The following SLC30A2 variants were observed in gnomAD, a reference collection of about 807,000 sequenced individuals.
SLC30A2 encodes the protein proton-coupled zinc antiporter SLC30A2.
A neutral mutation model predicts 39.6 loss-of-function variants in SLC30A2; 19 were observed. The ratio of observed to expected loss-of-function variants is 0.48; its 90% CI spans 0.34 to 0.70. The LOEUF (loss-of-function observed/expected upper bound fraction) is 0.70. SLC30A2 is among the 30% of genes least tolerant of loss of function. SLC30A2 has a pLI of 0.01. For missense variants in SLC30A2, 387 were observed against 479.4 expected (o/e 0.81, Z 1.80); for synonymous variants, 195 against 194.8 (o/e 1.00, Z -0.01).
intron 5 of SLC30A2, 143 bp downstream of exon 5, chr1:26,042,404 ATT>A (rs2050407622): frequency 1.4e-6 from 1 of 719,406 alleles, no homozygotes; most frequent in African/African-American, 1.8e-5. Context: ...CTTGGTAGGT[ATT>A]GGATAAATGT....
rs1226423120 is a variant in SLC30A2, at chr1:26,039,447, T to C, written c.974-142A>G. The C allele has an allele frequency of 1.4e-6, 1 of 698,562 alleles. No homozygotes were observed. The highest frequency in any genetic ancestry group is 2.7e-5 in the East Asian group (1 of 37,070). The allele number at this position is 698,562 out of a possible 1,614,324, so 43.3% of individuals were successfully genotyped here. A position where few individuals can be genotyped will look rare whatever the true frequency, so the allele number is the denominator to read the frequency against. On this transcript the variant is annotated intron_variant, in intron 7 of 7. Coordinates refer to ENST00000374276, the MANE Select transcript of SLC30A2 (RefSeq NM_001004434.3). This position sits in a 1 kb window ranked among gnomAD's most constrained non-coding sequence, Gnocchi z 4.3. ...GAGAAGCCCCCAGATTCCATTCCTC[T>C]GCCAGGTAGCCTCCCAGCCCAGACC... is the stretch of plus-strand genomic sequence containing the variant.
Position 26,043,485 on chromosome 1 carries a change from GC to G in SLC30A2, c.484del (p.Ala162LeufsTer5). The G allele has an allele frequency of 6.2e-7, 1 of 1,614,026 alleles. No homozygotes were observed. Among genetic ancestry groups the G allele is most frequent in the Non-Finnish European group, 8.5e-7 (1 of 1,179,926 alleles). On this transcript the variant is annotated frameshift_variant, in exon 4 of 8. Transcript: ENST00000374276. LOFTEE classifies it high-confidence loss of function. ...WVVTGVLVYL[A>X]VERLISGDYE... ...GTCCCCAGAGATCAGCCGCTCCACA[GC>G]CAGGTACACCAGTACCCCCGTCACG...
chr1:26,042,541 G>T lies in SLC30A2; in HGVS notation c.732+8C>A. ...GCCACCCCCACCACCCTGTGTCCCA[G>T]CTCTGACCTTGAAGTATAAAATATA... On this transcript the variant is annotated splice_region_variant and intron_variant, in intron 5 of 7. Transcript: ENST00000374276. The T allele has an allele frequency of 6.2e-7, 1 of 1,611,926 alleles. No individual in the cohort carries two copies. Among genetic ancestry groups the T allele is most frequent in the Non-Finnish European group, 8.5e-7 (1 of 1,178,224 alleles).
chr1:26,045,789 TGCGGAG>T (rs1428806901), intron 1 of SLC30A2, 52 bp downstream of exon 1: 1 of 1,612,796 alleles, frequency 6.2e-7, no homozygotes, highest in Non-Finnish European at 8.5e-7. Flanking sequence ...GGATGGCAAA[TGCGGAG>T]GTGCGTCGGC....
rs201453464 is a variant in SLC30A2 at position 26,045,388 on chromosome 1, G to T, written c.51-171C>A. The T allele has an allele frequency of 4.8e-6, 3 of 630,064 alleles. No homozygotes were observed. In the East Asian group the frequency reaches 8.2e-5, roughly 17 times the overall value. The allele number at this position is 630,064 out of a possible 1,614,324, so 39.0% of individuals were successfully genotyped here. A position where few individuals can be genotyped will look rare whatever the true frequency, so the allele number is the denominator to read the frequency against. ...CTGTATTCAGACGGGGATGATAGGG[G>T]AATGGGAGTCCTGGGGCCCGGGGCC... On this transcript the variant is annotated intron_variant, in intron 1 of 7. Coordinates refer to ENST00000374276, the MANE Select transcript of SLC30A2 (RefSeq NM_001004434.3).
At position 26,038,817 on chromosome 1, in the gene SLC30A2, G is replaced by A. The variant is rs1039587950; in HGVS notation, c.*343C>T. The A allele has an allele frequency of 1.2e-5, 3 of 244,128 alleles. No homozygotes were observed. Among genetic ancestry groups the A allele is most frequent in the East Asian group, 1.2e-4 (1 of 8,616 alleles). The allele number at this position is 244,128 out of a possible 1,614,324, so 15.1% of individuals were successfully genotyped here. A position where few individuals can be genotyped will look rare whatever the true frequency, so the allele number is the denominator to read the frequency against. ...GGCATGAGGCAGGCAGTATGGGCGC[G>A]CTGGGGCCAGCCTCCCCTTGGACGT... On this transcript the variant is annotated 3_prime_UTR_variant, in exon 8 of 8. Transcript: ENST00000374276.
At position 26,042,410 on chromosome 1, in the gene SLC30A2, T is replaced by A. The variant is rs1027669269; in HGVS notation, c.732+139A>T. 4 of 762,646 alleles carry A rather than the reference T, an allele frequency of 5.2e-6. No homozygotes were observed. The African/African-American group carries it at 6.9e-5, about 13-fold the overall frequency. The allele number at this position is 762,646 out of a possible 1,614,324, so 47.2% of individuals were successfully genotyped here. The stretch of plus-strand genomic sequence containing the variant: ...GTGCTGACACTTGGTAGGTATTGGA[T>A]AAATGTTCCTTTCCTCTCCCCACCC... On this transcript the variant is annotated intron_variant, in intron 5 of 7. Transcript: ENST00000374276.
In SLC30A2 at chr1:26,039,998, G is replaced by C; in HGVS notation, c.839-87C>G. 6.7e-7 allele frequency: 1 copy of C among 1,490,974 alleles called. No individual in the cohort carries two copies. The highest frequency in any genetic ancestry group is 9.2e-7 in the Non-Finnish European group (1 of 1,081,516). The allele number at this position is 1,490,974 out of a possible 1,614,324, so 92.4% of individuals were successfully genotyped here. A position where few individuals can be genotyped will look rare whatever the true frequency, so the allele number is the denominator to read the frequency against. On this transcript the variant is annotated intron_variant, in intron 6 of 7. Transcript: ENST00000374276. This position sits in a 1 kb window ranked among gnomAD's most constrained non-coding sequence, Gnocchi z 4.3. Reference sequence around the variant, plus strand: ...TGCAGGGCTGGCTCCTGATCCTCAGGTGTCATCCCCTCAAAGAAGACCTCT... The same window carrying C: ...TGCAGGGCTGGCTCCTGATCCTCAGCTGTCATCCCCTCAAAGAAGACCTCT...
chr1:26,044,953 C>T (rs1227518932), intron 2 of SLC30A2, 44 bp downstream of exon 2: 8 of 1,508,088 alleles, frequency 5.3e-6, no homozygotes, highest in Non-Finnish European at 6.5e-6. Flanking sequence ...AACATCCAGT[C>T]TATCCATGCA....
chr1:26,041,720 A>T lies in SLC30A2; in HGVS notation c.818T>A (p.Val273Glu), dbSNP rs570344520. 1 of 1,612,328 alleles carries T rather than the reference A, an allele frequency of 6.2e-7. No individual in the cohort carries two copies. Among genetic ancestry groups the T allele is most frequent in the East Asian group, 2.2e-5 (1 of 44,882 alleles). Residue 273 changes from valine to glutamate, a missense_variant, in exon 6 of 8, where the codon GTG (valine) becomes GAG (glutamate). Val to Glu is a moderately radical substitution (Grantham distance 121). Transcript: ENST00000374276. ...GTTACCTTCCATCAACACCAGGATC[A>T]CATCTCTCAGGATGGTCAAGGTTGT... is the stretch of plus-strand genomic sequence containing the variant. ...LGTTLTILRD[V>E]ILVLMEGTPK...
rs11587475 is a variant in SLC30A2 at position 26,037,880 on chromosome 1, T to C, written c.*1280A>G. On this transcript the variant is annotated 3_prime_UTR_variant, in exon 8 of 8. Coordinates refer to ENST00000374276, the MANE Select transcript of SLC30A2 (RefSeq NM_001004434.3). ...TGACCAAACCCACCTCCTCCCACCT[T>C]GGGCCAGAACAGTCAAGACAAACTC... 89,176 of 152,100 alleles carry C rather than the reference T, an allele frequency of 0.59. 29,173 individuals carry two copies. Among genetic ancestry groups the C allele is most frequent in the East Asian group, 0.74 (3,836 of 5,162 alleles). The allele number at this position is 152,100 out of a possible 1,614,324, so 9.4% of individuals were successfully genotyped here. A position where few individuals can be genotyped will look rare whatever the true frequency, so the allele number is the denominator to read the frequency against.
Position 26,043,488 on chromosome 1 carries a change from AG to A in SLC30A2, c.481del (p.Leu161TrpfsTer6). 1 of 1,614,146 alleles carries A rather than the reference AG, an allele frequency of 6.2e-7. No individual in the cohort carries two copies. The highest frequency in any genetic ancestry group is 2.2e-5 in the East Asian group (1 of 44,880). ...IWVVTGVLVYLAVERLISGDY... is the reference protein window; with the variant it reads ...IWVVTGVLVYXAVERLISGDY... The stretch of plus-strand genomic sequence containing the variant: ...CCCAGAGATCAGCCGCTCCACAGCC[AG>A]GTACACCAGTACCCCCGTCACGACC... On this transcript the variant is annotated frameshift_variant, in exon 4 of 8. Coordinates refer to ENST00000374276, the MANE Select transcript of SLC30A2 (RefSeq NM_001004434.3). LOFTEE classifies it high-confidence loss of function.
intron 1 of SLC30A2, among the ~76,000 whole-genome samples, 162 bp downstream of exon 1, chr1:26,045,685 C>T (rs1208613073): frequency 2.6e-5 from 4 of 152,168 alleles, no homozygotes; most frequent in East Asian, 1.9e-4. Flanking sequence ...AGAGACGGTC[C>T]TTGGGCCACA....
intron 4 of SLC30A2, 149 bp from the exon 5 acceptor site, chr1:26,042,857 G>A: frequency 1.5e-6 from 1 of 659,374 alleles, no homozygotes; most frequent in Non-Finnish European, 2.6e-6. Context: ...ACGTGGCCTT[G>A]GTTCAGACAG....
In SLC30A2 at chr1:26,046,106, C is replaced by A. The variant is rs1464428499; in HGVS notation, c.-210G>T. 1.5e-5 allele frequency: 19 copies of A among 1,298,800 alleles called. No homozygotes were observed. The highest frequency in any genetic ancestry group is 4.3e-5 in the Admixed American group (1 of 23,296). The allele number at this position is 1,298,800 out of a possible 1,614,324, so 80.5% of individuals were successfully genotyped here. ...TCTGGCTCCGCGTGCCAAGCGCTCC[C>A]GTGTCTCGGGTCAGCCGCTGCGCCC... is the stretch of plus-strand genomic sequence containing the variant. On this transcript the variant is annotated 5_prime_UTR_variant, in exon 1 of 8. Coordinates refer to ENST00000374276, the MANE Select transcript of SLC30A2 (RefSeq NM_001004434.3). The surrounding 1 kb of genome is among the most constrained non-coding windows in gnomAD (Gnocchi z 4.4).
intron 6 of SLC30A2, 140 bp from the exon 7 acceptor site, chr1:26,040,051 A>C: frequency 1.3e-6 from 1 of 776,914 alleles, no homozygotes; most frequent in Non-Finnish European, 2.1e-6. Context: ...GGCTGCCTTC[A>C]CCTCCCAAGG....
chr1:26,040,829 C>T (rs1356157932), intron 6 of SLC30A2, among the ~76,000 whole-genome samples: 2 of 151,974 alleles, frequency 1.3e-5, no homozygotes, highest in East Asian at 3.9e-4. Context: ...TGGTGGCTCA[C>T]ATCTGTAACT....
intron 2 of SLC30A2, 151 bp from the exon 3 acceptor site, chr1:26,044,595 C>T (rs1028225020): frequency 5.6e-6 from 4 of 708,916 alleles, no homozygotes; most frequent in Non-Finnish European, 9.2e-6. Context: ...GTGACCTACT[C>T]TCTCTGAGCC....
At position 26,046,023 on chromosome 1, in the gene SLC30A2, G is replaced by C. The variant is rs2050460631; in HGVS notation, c.-127C>G. ...GGGCCCCGCGAGGTGCGCTCACTCC[G>C]GCCCGGCTCCTGCGGCCCCTGAGCT... On this transcript the variant is annotated 5_prime_UTR_variant, in exon 1 of 8. Coordinates refer to ENST00000374276, the MANE Select transcript of SLC30A2 (RefSeq NM_001004434.3). This position sits in a 1 kb window ranked among gnomAD's most constrained non-coding sequence, Gnocchi z 4.4. 1 of 1,393,912 alleles carries C rather than the reference G, an allele frequency of 7.2e-7. No homozygotes were observed. Among genetic ancestry groups the C allele is most frequent in the Non-Finnish European group, 9.2e-7 (1 of 1,084,938 alleles). The allele number at this position is 1,393,912 out of a possible 1,614,324, so 86.3% of individuals were successfully genotyped here.
Sources: allele counts gnomAD v4.1 joint callset (sites outside exome capture counted in the v4.1 genomes callset), GRCh38; gene constraint gnomAD v4.1.1; non-coding constraint Gnocchi (gnomAD v3.1); transcripts MANE v1.5; gene names NCBI Gene and HGNC (gene_info 2026-07-23, HGNC 2026-07-21).